Variants in PSMD1 observed in about 807,000 individuals in gnomAD.
PSMD1 encodes 26S proteasome non-ATPase regulatory subunit 1.
PSMD1 carries 18 observed loss-of-function variants against 119.0 expected under a neutral mutation model. That is an observed-to-expected ratio of 0.15 (90% CI 0.10 to 0.22). The LOEUF (loss-of-function observed/expected upper bound fraction) is 0.22, where lower values mean the gene tolerates loss of function less well. Ranked by LOEUF, PSMD1 falls within the 10% of genes least tolerant of loss-of-function variation. The pLI is 1.00. For missense variants in PSMD1, 702 were observed against 1,158.5 expected, an observed-to-expected ratio of 0.61 and a Z score of 5.72; for synonymous variants, 374 against 396.6, an observed-to-expected ratio of 0.94 and a Z score of 0.68.
intron 16 of PSMD1, among the ~76,000 whole-genome samples, chr2:231,122,754 T>G (rs1695588125): frequency 6.6e-6 from 1 of 152,108 alleles, no homozygotes; most frequent in Non-Finnish European, 1.5e-5. Flanking sequence ...CTTACCAACT[T>G]AGAGGCCTAT....
intron 16 of PSMD1, chr2:231,109,039 A>G (rs1695062549): frequency 6.2e-7 from 1 of 1,614,118 alleles, no homozygotes; most frequent in African/African-American, 1.3e-5. Flanking sequence ...ACTTTTTCCC[A>G]ATTGTGGATG....
At chr2:231,118,212 A>G (rs1695409869) in intron 16 of PSMD1, among the ~76,000 whole-genome samples, 1 of 152,148 alleles carries the variant, frequency 6.6e-6, no homozygotes, top group Admixed American at 6.5e-5. Flanking sequence ...AGTTCCTGGC[A>G]TAAAGAAAAC....
intron 12 of PSMD1, 71 bp downstream of exon 12, chr2:231,080,385 T>G (rs1456561882): frequency 7.8e-7 from 1 of 1,283,106 alleles, no homozygotes; most frequent in African/African-American, 1.5e-5. Flanking sequence ...CCACATTATT[T>G]TAGTGACTGG....
At position 231,153,810 on chromosome 2, in the gene PSMD1, A is replaced by G. The variant is rs1335899205; in HGVS notation, c.2218+144A>G. 4.8e-6 allele frequency: 3 copies of G among 620,844 alleles called. No homozygotes were observed. The African/African-American group carries it at 5.6e-5, about 12-fold the overall frequency. The allele number at this position is 620,844 out of a possible 1,614,324, so 38.5% of individuals were successfully genotyped here. A position where few individuals can be genotyped will look rare whatever the true frequency, so the allele number is the denominator to read the frequency against. ...AATTTGGAGCCTGCAGTTCACAGAG[A>G]TCATGTACATTTAAGAGTACAGGCC... On this transcript the variant is annotated intron_variant, in intron 19 of 24. Coordinates refer to ENST00000308696, the MANE Select transcript of PSMD1 (RefSeq NM_002807.4).
intron 16 of PSMD1, among the ~76,000 whole-genome samples, chr2:231,114,410 A>G (rs1695262479): frequency 6.6e-6 from 1 of 152,254 alleles, no homozygotes; most frequent in Non-Finnish European, 1.5e-5. Flanking sequence ...CACTTCTAGC[A>G]ATAACTAGCA....
intron 5 of PSMD1, among the ~76,000 whole-genome samples, chr2:231,067,904 G>A (rs1231571293): frequency 2.6e-5 from 4 of 152,034 alleles, no homozygotes; most frequent in African/African-American, 4.8e-5. Context: ...TGATCCACCC[G>A]TCTCAGCCGC....
At position 231,157,588 on chromosome 2, in the gene PSMD1, G is replaced by GC. The variant is rs528250807; in HGVS notation, c.2219-3752_2219-3751insC. 2.8e-3 allele frequency among the ~76,000 whole-genome samples: 421 copies of GC among 149,620 alleles called. 2 individuals are homozygous for GC. Among genetic ancestry groups the GC allele is most frequent in the Middle Eastern group, 0.024 (7 of 292 alleles). Reference sequence around the variant, plus strand: ...TATTACATAAAAGTTCTTTTTTTTGGGGGGGGCCAATTCTGTCACCCAGCC... The same window carrying GC: ...TATTACATAAAAGTTCTTTTTTTTGGCGGGGGGCCAATTCTGTCACCCAGCC... On this transcript the variant is annotated intron_variant, in intron 19 of 24. Coordinates refer to ENST00000308696, the MANE Select transcript of PSMD1 (RefSeq NM_002807.4).
At chr2:231,088,595 CA>C (rs1187394715) in intron 16 of PSMD1, among the ~76,000 whole-genome samples, 1 of 152,146 alleles carries the variant, frequency 6.6e-6, no homozygotes, top group Non-Finnish European at 1.5e-5. Flanking sequence ...TGTTTTGGGA[CA>C]CCACGAACCA....
chr2:231,058,794 T>A (rs1193604379), intron 1 of PSMD1, among the ~76,000 whole-genome samples: 1 of 152,168 alleles, frequency 6.6e-6, no homozygotes, highest in Non-Finnish European at 1.5e-5. Context: ...GCACATTCTG[T>A]TCCTTTCTAG....
At chr2:231,065,293 G>GT (rs200782172) in intron 4 of PSMD1, among the ~76,000 whole-genome samples, 222 of 149,228 alleles carry the variant, frequency 1.5e-3, no homozygotes, top group African/African-American at 5.1e-3. Context: ...TTGTTTTTTT[G>GT]TTTTTTTGTT....
chr2:231,096,154 A>G (rs1694719024), intron 16 of PSMD1, among the ~76,000 whole-genome samples: 1 of 152,190 alleles, frequency 6.6e-6, no homozygotes, highest in South Asian at 2.1e-4. Flanking sequence ...AAATGGGTTC[A>G]TGTACCTGAT....
intron 23 of PSMD1, among the ~76,000 whole-genome samples, chr2:231,166,817 G>T (rs377398312): frequency 1.3e-5 from 2 of 152,108 alleles, no homozygotes; most frequent in African/African-American, 4.8e-5. Context: ...TGGGTCAAAG[G>T]CAACTCCTAT....
intron 24 of PSMD1, among the ~76,000 whole-genome samples, chr2:231,172,129 T>G (rs12468767): frequency 0.16 from 24,183 of 152,176 alleles, 2,049 homozygotes; most frequent in Non-Finnish European, 0.17. Flanking sequence ...CTTTCAGCCT[T>G]GATAGTTTCC....
chr2:231,157,345 C>T (rs1049984913), intron 19 of PSMD1, among the ~76,000 whole-genome samples: 12 of 150,516 alleles, frequency 8.0e-5, no homozygotes, highest in African/African-American at 1.9e-4. Flanking sequence ...TTCTATGTTT[C>T]GCCTCTTCTC....
At chr2:231,136,116 A>T (rs1397092358) in intron 16 of PSMD1, among the ~76,000 whole-genome samples, 2 of 152,226 alleles carry the variant, frequency 1.3e-5, no homozygotes, top group African/African-American at 4.8e-5. Flanking sequence ...TTTTTAATAA[A>T]TAAATGTTTT....
chr2:231,082,247 G>A (rs775086598), intron 12 of PSMD1, among the ~76,000 whole-genome samples: 1 of 151,434 alleles, frequency 6.6e-6, no homozygotes, highest in Non-Finnish European at 1.5e-5. Context: ...TTATTTTTTT[G>A]TACAGACCGA....
At chr2:231,085,840 C>G (rs1694418330) in intron 15 of PSMD1, among the ~76,000 whole-genome samples, 2 of 152,088 alleles carry the variant, frequency 1.3e-5, no homozygotes, top group South Asian at 4.1e-4. Context: ...TTTTTATCAT[C>G]GTGGTGCTGG....
intron 4 of PSMD1, among the ~76,000 whole-genome samples, chr2:231,063,439 A>G (rs1693808913): frequency 6.6e-6 from 1 of 152,222 alleles, no homozygotes; most frequent in Non-Finnish European, 1.5e-5. Flanking sequence ...GCTCAAGGGC[A>G]TGTTCTGTCA....
In PSMD1 at chr2:231,166,952, C is replaced by A. The variant is rs548963779; in HGVS notation, c.2715+935C>A. On this transcript the variant is annotated intron_variant, in intron 23 of 24. Coordinates refer to ENST00000308696, the MANE Select transcript of PSMD1 (RefSeq NM_002807.4). ...ATTTGGCATAACTGGGTTTTTATTT[C>A]TACTGTTAGCTGTGTGACTAAGACA... Among the ~76,000 whole-genome samples, 34 of 152,268 alleles carry A rather than the reference C, an allele frequency of 2.2e-4. 1 individual carries two copies. Among genetic ancestry groups the A allele is most frequent in the Admixed American group, 1.9e-3 (29 of 15,298 alleles).
Sources: allele counts gnomAD v4.1 joint callset (sites outside exome capture counted in the v4.1 genomes callset), GRCh38; gene constraint gnomAD v4.1.1; transcripts MANE v1.5; gene names NCBI Gene and HGNC (gene_info 2026-07-23, HGNC 2026-07-21).